PDE4B: variants seen among roughly 807,000 people sequenced by gnomAD.
PDE4B encodes 3',5'-cyclic-AMP phosphodiesterase 4B.
A neutral mutation model predicts 82.2 loss-of-function variants in PDE4B; 20 were observed. That is an observed-to-expected ratio of 0.24 (90% CI 0.17 to 0.35). The LOEUF (loss-of-function observed/expected upper bound fraction) is 0.35. PDE4B is among the 10% of genes least tolerant of loss of function. The probability of loss-of-function intolerance (pLI) is 1.00; values close to 1 mark genes in which losing one functional copy is unlikely to be tolerated. For missense variants in PDE4B, 655 were observed against 907.2 expected, an observed-to-expected ratio of 0.72 and a Z score of 3.57; for synonymous variants, 320 against 318.9, an observed-to-expected ratio of 1.00 and a Z score of -0.04.
At chr1:66,293,748 A>C (rs1004963045) in intron 7 of PDE4B, among the ~76,000 whole-genome samples, 2 of 152,220 alleles carry the variant, frequency 1.3e-5, no homozygotes, top group Non-Finnish European at 2.9e-5. Context: ...ACTTTAACAA[A>C]ATCTTCTCAG....
intron 1 of PDE4B, among the ~76,000 whole-genome samples, chr1:65,899,605 C>T (rs1054335549): frequency 6.8e-6 from 1 of 146,590 alleles, no homozygotes; most frequent in East Asian, 2.0e-4. Flanking sequence ...GATAAAGAAA[C>T]GTTACATATG....
intron 9 of PDE4B, 139 bp downstream of exon 9, chr1:66,355,759 C>A: frequency 1.9e-6 from 1 of 513,758 alleles, no homozygotes; most frequent in South Asian, 3.4e-5. Flanking sequence ...ATAACTAAGG[C>A]CAGTCTTCAA....
At chr1:66,245,897 C>A (rs1653275448) in intron 3 of PDE4B, among the ~76,000 whole-genome samples, 1 of 152,222 alleles carries the variant, frequency 6.6e-6, no homozygotes, top group South Asian at 2.1e-4. Context: ...TTCTTCTCCT[C>A]ATGTTTCAAG....
At chr1:66,229,546 A>C (rs567132980) in intron 3 of PDE4B, among the ~76,000 whole-genome samples, 1 of 152,342 alleles carries the variant, frequency 6.6e-6, no homozygotes, top group East Asian at 1.9e-4. Flanking sequence ...TGTTTCATAG[A>C]CATGGGGGTT....
chr1:66,058,275 G>C (rs1056221989), intron 3 of PDE4B, among the ~76,000 whole-genome samples: 3 of 152,212 alleles, frequency 2.0e-5, no homozygotes, highest in African/African-American at 7.2e-5. Context: ...TGGCTTTGCA[G>C]AGCACAGCCT....
chr1:65,962,347 C>A (rs977465896), intron 3 of PDE4B, among the ~76,000 whole-genome samples: 1 of 152,114 alleles, frequency 6.6e-6, no homozygotes, highest in African/African-American at 2.4e-5. Context: ...CTTTGCCAGG[C>A]AGGGTCTGCT....
At chr1:66,331,980 G>A (rs1406678088) in intron 7 of PDE4B, 1 of 1,024,872 alleles carries the variant, frequency 9.8e-7, no homozygotes, top group African/African-American at 1.7e-5. Flanking sequence ...ATGAATGACT[G>A]CCTAGACTTT....
At chr1:66,176,440 A>T (rs139288640) in intron 3 of PDE4B, among the ~76,000 whole-genome samples, 2 of 152,340 alleles carry the variant, frequency 1.3e-5, no homozygotes, top group East Asian at 3.9e-4. Flanking sequence ...GATAGCTAAG[A>T]CTTCCCTCTT....
chr1:65,843,665 A>G (rs1646234608), intron 1 of PDE4B, among the ~76,000 whole-genome samples: 1 of 152,164 alleles, frequency 6.6e-6, no homozygotes, highest in African/African-American at 2.4e-5. Flanking sequence ...AGGTGTTGAA[A>G]GACAGGATTT....
chr1:66,234,606 T>A (rs1652256900), intron 3 of PDE4B, among the ~76,000 whole-genome samples: 1 of 152,178 alleles, frequency 6.6e-6, no homozygotes, highest in Non-Finnish European at 1.5e-5. Flanking sequence ...ATTTTTTTTA[T>A]GATTCTTTAT....
At chr1:65,989,308 C>T (rs1436133899) in intron 3 of PDE4B, among the ~76,000 whole-genome samples, 2 of 151,974 alleles carry the variant, frequency 1.3e-5, no homozygotes, top group African/African-American at 2.4e-5. Context: ...TGAGACCAGC[C>T]TGGCCAACAT....
chr1:65,854,527 C>T (rs1005458909), intron 1 of PDE4B, among the ~76,000 whole-genome samples: 1 of 151,582 alleles, frequency 6.6e-6, no homozygotes, highest in African/African-American at 2.4e-5. Flanking sequence ...TCTAGATTGT[C>T]AGTTTTTTCT....
Position 66,090,616 on chromosome 1 carries a change from A to ATGTGT in PDE4B, c.282-156844_282-156843insTGTGT, listed in dbSNP as rs200925983. 1.0e-3 allele frequency among the ~76,000 whole-genome samples: 94 copies of ATGTGT among 89,920 alleles called. 1 individual carries two copies. Among genetic ancestry groups the ATGTGT allele is most frequent in the South Asian group, 2.6e-3 (7 of 2,688 alleles). The allele number at this position is 89,920 out of a possible 152,430, so 59.0% of individuals were successfully genotyped here. On this transcript the variant is annotated intron_variant, in intron 3 of 16. Coordinates refer to ENST00000341517, the MANE Select transcript of PDE4B (RefSeq NM_002600.4). ...CAAAATTATATATATATATGTATAT[A>ATGTGT]ATATATGTGTGTGTGTGTGTGTGTA...
intron 7 of PDE4B, among the ~76,000 whole-genome samples, chr1:66,323,766 A>C (rs1376690445): frequency 1.3e-5 from 2 of 152,204 alleles, no homozygotes; most frequent in African/African-American, 4.8e-5. Context: ...TATGTAACAA[A>C]GTTTTATAAC....
chr1:66,295,433 GTTTTGTTTTGTT>G (rs1017558475), intron 7 of PDE4B, among the ~76,000 whole-genome samples: 3 of 151,684 alleles, frequency 2.0e-5, no homozygotes, highest in African/African-American at 7.3e-5. Context: ...TATTCTTTTT[GTTTTGTTTTGTT>G]TTTTGTTTTC....
At chr1:66,175,016 A>C (rs962964120) in intron 3 of PDE4B, among the ~76,000 whole-genome samples, 10 of 152,122 alleles carry the variant, frequency 6.6e-5, no homozygotes, top group African/African-American at 2.4e-4. Flanking sequence ...CTATCACCAG[A>C]ACAGCATGGA....
At chr1:66,106,722 G>T (rs1187711879) in intron 3 of PDE4B, among the ~76,000 whole-genome samples, 2 of 151,886 alleles carry the variant, frequency 1.3e-5, no homozygotes, top group Non-Finnish European at 1.5e-5. Context: ...TAGTTTATTT[G>T]CATAGAGGTG....
At position 66,368,977 on chromosome 1, in the gene PDE4B, A is replaced by G; in HGVS notation, c.1845+8A>G. 1 of 1,593,116 alleles carries G rather than the reference A, an allele frequency of 6.3e-7. No individual in the cohort carries two copies. The highest frequency in any genetic ancestry group is 8.6e-7 in the Non-Finnish European group (1 of 1,168,310). ...TCTGTGGAAAAATCCCAGGTATCTA[A>G]TATGAGATTTTCAAAGTTTTTGTGA... On this transcript the variant is annotated splice_region_variant and intron_variant, in intron 16 of 16. Coordinates refer to ENST00000341517, the MANE Select transcript of PDE4B (RefSeq NM_002600.4).
At chr1:66,084,216 A>G (rs1290862869) in intron 3 of PDE4B, among the ~76,000 whole-genome samples, 4 of 152,152 alleles carry the variant, frequency 2.6e-5, no homozygotes, top group Non-Finnish European at 5.9e-5. Context: ...ATGTGACTGA[A>G]AACATACAAT....
Sources: gnomAD v4.1 joint callset for allele counts (sites outside exome capture counted in the v4.1 genomes callset) on GRCh38, gnomAD v4.1.1 for gene constraint, MANE v1.5 for transcripts, NCBI Gene and HGNC (gene_info 2026-07-23, HGNC 2026-07-21) for gene names.